The following RCOR1 variants were observed in gnomAD, a reference collection of about 807,000 sequenced individuals.
RCOR1 encodes REST corepressor.
A neutral mutation model predicts 64.0 loss-of-function variants in RCOR1; 12 were observed. That is an observed-to-expected ratio of 0.19 (90% CI 0.12 to 0.30). The LOEUF (loss-of-function observed/expected upper bound fraction) is 0.30. Ranked by LOEUF, RCOR1 falls within the 10% of genes least tolerant of loss-of-function variation. RCOR1 has a pLI of 1.00. For synonymous variants in RCOR1, 279 were observed against 227.2 expected, an observed-to-expected ratio of 1.23 and a Z score of -2.05; for missense variants, 502 against 621.2, an observed-to-expected ratio of 0.81 and a Z score of 2.04.
intron 2 of RCOR1, among the ~76,000 whole-genome samples, chr14:102,621,219 A>G (rs1163770737): frequency 6.6e-6 from 1 of 150,880 alleles, no homozygotes; most frequent in Non-Finnish European, 1.5e-5. Flanking sequence ...TGATCCTCTC[A>G]CCTTGGCCTC....
At chr14:102,690,546 G>A (rs544344577) in intron 3 of RCOR1, among the ~76,000 whole-genome samples, 29 of 152,128 alleles carry the variant, frequency 1.9e-4, no homozygotes, top group African/African-American at 7.0e-4. Flanking sequence ...AGCTGTGATT[G>A]CGCCACTGCA....
Position 102,683,886 on chromosome 14 carries a change from C to T in RCOR1, c.445+1908C>T, listed in dbSNP as rs564538946. ...CCCCATACACCAGTCCCTAGCTCTG[C>T]GGGGGCTGGGGCTGCACCCTCCTGC... On this transcript the variant is annotated intron_variant, in intron 3 of 11. Coordinates refer to ENST00000262241, the MANE Select transcript of RCOR1 (RefSeq NM_015156.4). Among the ~76,000 whole-genome samples the T allele has an allele frequency of 7.9e-5, 12 of 152,338 alleles. No homozygotes were observed. In the East Asian group the frequency reaches 1.4e-3, roughly 17 times the overall value.
rs71305075 is a variant in RCOR1 at position 102,696,808 on chromosome 14, CTTTTTTTTTTT to C, written c.446-4457_446-4447del. ...CACTGACTTTTAAGCATCTGCTTAT[CTTTTTTTTTTT>C]TTTTTTTTTTTTATAAGGGTAGCTG... is the stretch of plus-strand genomic sequence containing the variant. On this transcript the variant is annotated intron_variant, in intron 3 of 11. Transcript: ENST00000262241. 1.4e-4 allele frequency among the ~76,000 whole-genome samples: 8 copies of C among 57,404 alleles called. 1 individual carries two copies. Among genetic ancestry groups the C allele is most frequent in the African/African-American group, 5.2e-4 (7 of 13,458 alleles). The allele number at this position is 57,404 out of a possible 152,430, so 37.7% of individuals were successfully genotyped here.
At chr14:102,674,022 C>G (rs1895087556) in intron 2 of RCOR1, among the ~76,000 whole-genome samples, 1 of 152,162 alleles carries the variant, frequency 6.6e-6, no homozygotes, top group South Asian at 2.1e-4. Context: ...AACAGAACTA[C>G]TAGAATATGT....
At chr14:102,712,623 T>C (rs547150939) in intron 7 of RCOR1, among the ~76,000 whole-genome samples, 27 of 152,078 alleles carry the variant, frequency 1.8e-4, no homozygotes, top group African/African-American at 5.5e-4. Flanking sequence ...TCCTGGAAGT[T>C]GTATTGTTGA....
intron 2 of RCOR1, among the ~76,000 whole-genome samples, chr14:102,659,808 C>G (rs564088891): frequency 6.6e-6 from 1 of 152,052 alleles, no homozygotes; most frequent in African/African-American, 2.4e-5. Context: ...TTGGTAAGGA[C>G]GTTATTGCAA....
intron 2 of RCOR1, among the ~76,000 whole-genome samples, chr14:102,647,807 T>G (rs1415149318): frequency 6.6e-6 from 1 of 152,130 alleles, no homozygotes; most frequent in Non-Finnish European, 1.5e-5. Flanking sequence ...GCCTCCTAAG[T>G]AGTTGGGACT....
intron 2 of RCOR1, among the ~76,000 whole-genome samples, chr14:102,605,866 A>G (rs1447825391): frequency 1.3e-5 from 2 of 152,100 alleles, no homozygotes; most frequent in Non-Finnish European, 2.9e-5. Flanking sequence ...ATGGAGTTGG[A>G]AGATGGTGAT....
chr14:102,597,474 G>A (rs1320166885), intron 2 of RCOR1, among the ~76,000 whole-genome samples: 1 of 150,850 alleles, frequency 6.6e-6, no homozygotes, highest in Non-Finnish European at 1.5e-5. Flanking sequence ...GATTACAGAC[G>A]CACACCACCA....
chr14:102,630,561 C>T (rs542707808), intron 2 of RCOR1, among the ~76,000 whole-genome samples: 11 of 152,294 alleles, frequency 7.2e-5, no homozygotes, highest in South Asian at 4.1e-4. Flanking sequence ...TGCAGAAATA[C>T]GACACCTTAC....
intron 2 of RCOR1, among the ~76,000 whole-genome samples, chr14:102,661,562 T>C (rs1595217917): frequency 1.3e-5 from 2 of 152,116 alleles, no homozygotes; most frequent in African/African-American, 4.8e-5. Context: ...AGTATAATTA[T>C]GTATTAAGTG....
chr14:102,633,537 GT>G (rs200520117), intron 2 of RCOR1, among the ~76,000 whole-genome samples: 2 of 150,878 alleles, frequency 1.3e-5, no homozygotes, highest in Admixed American at 1.3e-4. Context: ...AAAAATGGAG[GT>G]TTTTTTTTCT....
rs1896329821 is a variant in RCOR1 at position 102,729,543 on chromosome 14, G to A, written c.*3037G>A. On this transcript the variant is annotated 3_prime_UTR_variant, in exon 12 of 12. Coordinates refer to ENST00000262241, the MANE Select transcript of RCOR1 (RefSeq NM_015156.4). ...TTTTTAACCTATAAGACGTTCTGATGCTCACAAACCTCTATTCAACACACA... is the reference window on the plus strand; with the variant it reads ...TTTTTAACCTATAAGACGTTCTGATACTCACAAACCTCTATTCAACACACA... 3.9e-6 allele frequency: 1 copy of A among 253,924 alleles called. No individual in the cohort carries two copies. Among genetic ancestry groups the A allele is most frequent in the South Asian group, 1.7e-4 (1 of 5,718 alleles). 15.7% of individuals were successfully genotyped at this position (253,924 alleles called of 1,614,324 possible).
chr14:102,650,767 T>A (rs1466774621), intron 2 of RCOR1, among the ~76,000 whole-genome samples: 4 of 152,210 alleles, frequency 2.6e-5, no homozygotes, highest in Non-Finnish European at 4.4e-5. Flanking sequence ...TATAAAGGGA[T>A]AAACATTGAA....
intron 2 of RCOR1, among the ~76,000 whole-genome samples, chr14:102,612,669 A>G (rs752201714): frequency 2.6e-5 from 4 of 151,742 alleles, no homozygotes; most frequent in Non-Finnish European, 4.4e-5. Flanking sequence ...GAAGTACTCC[A>G]TCTGATCTCA....
intron 2 of RCOR1, among the ~76,000 whole-genome samples, chr14:102,602,560 C>G (rs1243148753): frequency 6.6e-6 from 1 of 151,886 alleles, no homozygotes; most frequent in Non-Finnish European, 1.5e-5. Flanking sequence ...TGTGCTACCA[C>G]GCCTGGCTAA....
chr14:102,625,231 C>CTTTTTTTTTT (rs61403856), intron 2 of RCOR1, among the ~76,000 whole-genome samples: 2 of 79,174 alleles, frequency 2.5e-5, no homozygotes, highest in Non-Finnish European at 4.5e-5. Context: ...TATCTTGTTA[C>CTTTTTTTTTT]TTTTTTTTTT....
chr14:102,676,654 C>T (rs1399061165), intron 2 of RCOR1, among the ~76,000 whole-genome samples: 12 of 108,412 alleles, frequency 1.1e-4, no homozygotes, highest in African/African-American at 1.5e-4. Flanking sequence ...ACCTCCCTCC[C>T]GGACGGGGCG....
intron 3 of RCOR1, among the ~76,000 whole-genome samples, chr14:102,682,623 T>G (rs1251405943): frequency 1.3e-5 from 2 of 152,184 alleles, no homozygotes; most frequent in Non-Finnish European, 2.9e-5. Context: ...TTTCAGATGG[T>G]TTTTTTGGGG....
Sources: gnomAD v4.1 joint callset for allele counts (sites outside exome capture counted in the v4.1 genomes callset) on GRCh38, gnomAD v4.1.1 for gene constraint, MANE v1.5 for transcripts, NCBI Gene and HGNC (gene_info 2026-07-23, HGNC 2026-07-21) for gene names.